CARMIL3: variants seen among roughly 807,000 people sequenced by gnomAD.
The protein encoded by CARMIL3 is capping protein, Arp2/3 and myosin-I linker protein 3.
A neutral mutation model predicts 180.8 loss-of-function variants in CARMIL3; 88 were observed. The ratio of observed to expected loss-of-function variants is 0.49; its 90% CI spans 0.41 to 0.58. CARMIL3 has a LOEUF of 0.58. Ranked by LOEUF, CARMIL3 falls within the 20% of genes least tolerant of loss-of-function variation. The pLI, the probability that CARMIL3 is intolerant of heterozygous loss-of-function variation, is 0.00. For synonymous variants in CARMIL3, 696 were observed against 714.5 expected (o/e 0.97, Z 0.41); for missense variants, 1,548 against 1,787.0 (o/e 0.87, Z 2.41).
In CARMIL3 at chr14:24,064,946, G is replaced by A. The variant is rs780715175; in HGVS notation, c.3081-12G>A. ...CTGGCATTTGTTGCTAACTTACCCC[G>A]ATTCTCCCCAGCTACCCCCGGACTC... On this transcript the variant is annotated splice_polypyrimidine_tract_variant and intron_variant, in intron 32 of 39. Transcript: ENST00000342740. 16 of 1,607,558 alleles carry A rather than the reference G, an allele frequency of 1.0e-5. No individual in the cohort carries two copies. Among genetic ancestry groups the A allele is most frequent in the South Asian group, 7.7e-5 (7 of 90,572 alleles).
chr14:24,056,938 T>G lies in CARMIL3; in HGVS notation c.976T>G (p.Phe326Val), dbSNP rs1306937188. 6.2e-7 allele frequency: 1 copy of G among 1,614,058 alleles called. No homozygotes were observed. The highest frequency in any genetic ancestry group is 1.1e-5 in the South Asian group (1 of 91,086). ...AGGGCTCCAGGCACTCGGCCAGACC[T>G]TCGGGGCAAACCCAGCATTTGCCAG... is the stretch of plus-strand genomic sequence containing the variant. ...PRGLQALGQT[F>V]GANPAFASSL... Residue 326 changes from phenylalanine to valine, a missense_variant, in exon 13 of 40, where the codon TTC becomes GTC. By Grantham distance (50) the Phe-to-Val change is conservative. Transcript: ENST00000342740.
rs749092838 is a variant in CARMIL3 at position 24,066,457 on chromosome 14, C to T, written c.3585C>T (p.Asp1195=). ...CCTGGCAGAAACGGCGCTCTTCAGA[C>T]GACGCAGGTAAGAACAGTCACATTC... is the stretch of plus-strand genomic sequence containing the variant. ...TQAWQKRRSS[D]DAGPGSWKPP... is the part of the protein sequence containing the mutation. Residue 1195 remains aspartate (D), a synonymous_variant, in exon 35 of 40, where the codon GAC becomes GAT. Coordinates refer to ENST00000342740, the MANE Select transcript of CARMIL3 (RefSeq NM_138360.4). 35 of 1,614,204 alleles carry T rather than the reference C, an allele frequency of 2.2e-5. No individual in the cohort carries two copies. The highest frequency in any genetic ancestry group is 3.3e-5 in the South Asian group (3 of 91,088).
Position 24,059,121 on chromosome 14 carries a change from C to A in CARMIL3, c.1572-14C>A, listed in dbSNP as rs756839038. Reference sequence around the variant, plus strand: ...AGCCCTTCCCCTCCTACTCTGAGCCCCGCCTCCCTGCAGGACCCTGGAGGA... The same window carrying A: ...AGCCCTTCCCCTCCTACTCTGAGCCACGCCTCCCTGCAGGACCCTGGAGGA... On this transcript the variant is annotated splice_polypyrimidine_tract_variant and intron_variant, in intron 19 of 39. Transcript: ENST00000342740. The surrounding 1 kb of genome is among the most constrained non-coding windows in gnomAD (Gnocchi z 6.3). 6.3e-7 allele frequency: 1 copy of A among 1,594,734 alleles called. No individual in the cohort carries two copies. The highest frequency in any genetic ancestry group is 8.5e-7 in the Non-Finnish European group (1 of 1,170,974).
intron 32 of CARMIL3, 150 bp downstream of exon 32, chr14:24,064,496 A>C: frequency 1.5e-6 from 1 of 651,646 alleles, no homozygotes; most frequent in Non-Finnish European, 2.7e-6. Context: ...ATCCTTCCCC[A>C]CCCAGCCCTC....
In CARMIL3 at chr14:24,057,174, A is replaced by G. The variant is rs761886617; in HGVS notation, c.1070A>G (p.Tyr357Cys). ...LLATDEANALYSFLAQPNALV... is the reference protein window; with the variant it reads ...LLATDEANALCSFLAQPNALV... ...TCTTCCTTCCTACTCCAGGCCCTCT[A>G]CAGTTTCCTGGCCCAACCCAACGCC... The change falls in exon 14 of 40, where the codon TAC becomes TGC. Residue 357 changes from tyrosine (Y) to cysteine (C), a missense_variant. Physicochemically the swap from Tyr to Cys is radical, Grantham distance 194. Around this residue, in one of 4 missense-constraint regions of CARMIL3, gnomAD observed 578 missense variants for 666.5 expected, o/e 0.87. Transcript: ENST00000342740. The G allele has an allele frequency of 6.2e-7, 1 of 1,613,772 alleles. No homozygotes were observed. The highest frequency in any genetic ancestry group is 8.5e-7 in the Non-Finnish European group (1 of 1,179,858).
chr14:24,060,667 C>T lies in CARMIL3; in HGVS notation c.2101C>T (p.Arg701Trp), dbSNP rs1030880250. Residue 701 changes from arginine (R) to tryptophan (W), a missense_variant, in exon 25 of 40, where the codon CGG becomes TGG. Physicochemically the swap from Arg to Trp is moderately radical, Grantham distance 101 (BLOSUM62 -3). Around this residue, in one of 4 missense-constraint regions of CARMIL3, gnomAD observed 297 missense variants for 415.9 expected, o/e 0.71. Transcript: ENST00000342740. ...GTGTGGACGAGTGCAGGAGGAGGTG[C>T]GGGCCCTGAGACTATGCCCCCTGGA... ...RLCGRVQEEV[R>W]ALRLCPLEPV... The T allele has an allele frequency of 4.3e-6, 7 of 1,613,838 alleles. No homozygotes were observed. Among genetic ancestry groups the T allele is most frequent in the East Asian group, 4.5e-5 (2 of 44,888 alleles).
At position 24,058,106 on chromosome 14, in the gene CARMIL3, C is replaced by T. The variant is rs758688418; in HGVS notation, c.1322+42C>T. On this transcript the variant is annotated intron_variant, in intron 16 of 39. Coordinates refer to ENST00000342740, the MANE Select transcript of CARMIL3 (RefSeq NM_138360.4). The surrounding 1 kb of genome is among the most constrained non-coding windows in gnomAD (Gnocchi z 6.4). ...GTTGGGGGCGCATCCAAGGGAACCA[C>T]GGGGAGCGGGAAGAGGTAAAGGAGG... The T allele has an allele frequency of 5.0e-6, 8 of 1,613,632 alleles. No homozygotes were observed. The highest frequency in any genetic ancestry group is 4.0e-5 in the African/African-American group (3 of 74,914).
intron 14 of CARMIL3, 39 bp downstream of exon 14, chr14:24,057,283 TG>T (rs1193345850): frequency 6.3e-7 from 1 of 1,595,602 alleles, no homozygotes; most frequent in Admixed American, 1.7e-5. Context: ...TGAGGTGATT[TG>T]GGGAAGACCA....
Position 24,063,313 on chromosome 14 carries a change from C to T in CARMIL3, c.2771-12C>T. The stretch of plus-strand genomic sequence containing the variant: ...TCCTCTGCTAGTCCCTCTAATGCTG[C>T]TGTCTTTGCAGGCGGGAGCCCTCAG... On this transcript the variant is annotated splice_polypyrimidine_tract_variant and intron_variant, in intron 30 of 39. Coordinates refer to ENST00000342740, the MANE Select transcript of CARMIL3 (RefSeq NM_138360.4). 1 of 1,593,996 alleles carries T rather than the reference C, an allele frequency of 6.3e-7. No individual in the cohort carries two copies. Among genetic ancestry groups the T allele is most frequent in the Non-Finnish European group, 8.6e-7 (1 of 1,166,208 alleles).
intron 27 of CARMIL3, chr14:24,062,172 C>T: frequency 2.1e-6 from 1 of 482,156 alleles, no homozygotes; most frequent in Non-Finnish European, 3.8e-6. Flanking sequence ...ACTCAGCACC[C>T]CAATTACCTA....
At chr14:24,067,896 T>A (rs1178347918) in intron 36 of CARMIL3, among the ~76,000 whole-genome samples, 1 of 152,250 alleles carries the variant, frequency 6.6e-6, no homozygotes. Flanking sequence ...GTTCTGGGAA[T>A]GCCAGGCTGC....
Position 24,056,697 on chromosome 14 carries a change from T to G in CARMIL3, c.941T>G (p.Ile314Ser). The change falls in exon 12 of 40, where the codon ATT becomes AGT. Residue 314 changes from isoleucine (I) to serine (S), a missense_variant. This residue lies in a region of CARMIL3 where 578 missense variants were observed against 666.5 expected (regional missense o/e 0.87). Coordinates refer to ENST00000342740, the MANE Select transcript of CARMIL3 (RefSeq NM_138360.4). ...AAACTGTGCCTGGCCAAGACTGCCATTTCCCCTCGAGGTACTCGCACCAAG... is the reference window on the plus strand; with the variant it reads ...AAACTGTGCCTGGCCAAGACTGCCAGTTCCCCTCGAGGTACTCGCACCAAG... The part of the protein sequence containing the change: ...LTKLCLAKTA[I>S]SPRGLQALGQ... 1 of 1,613,182 alleles carries G rather than the reference T, an allele frequency of 6.2e-7. No homozygotes were observed. The highest frequency in any genetic ancestry group is 8.5e-7 in the Non-Finnish European group (1 of 1,179,998).
Position 24,054,532 on chromosome 14 carries a change from C to G in CARMIL3, c.362+21C>G, listed in dbSNP as rs1305406110. ...CCTGGGTGAGTGGCAAATAAGGGGT[C>G]TCTTAAGGCATTAGATGAGAGGGAG... is the stretch of plus-strand genomic sequence containing the variant. On this transcript the variant is annotated intron_variant, in intron 5 of 39. Transcript: ENST00000342740. This position sits in a 1 kb window ranked among gnomAD's most constrained non-coding sequence, Gnocchi z 5.1. 52 of 1,604,312 alleles carry G rather than the reference C, an allele frequency of 3.2e-5. No homozygotes were observed. The highest frequency in any genetic ancestry group is 4.4e-5 in the Non-Finnish European group (51 of 1,172,384).
chr14:24,064,816 C>CA, intron 32 of CARMIL3, 142 bp from the exon 33 acceptor site: 1 of 861,364 alleles, frequency 1.2e-6, no homozygotes, highest in East Asian at 2.5e-5. Flanking sequence ...ACAGGAAAGG[C>CA]AAGGGCATCA....
rs1287501195 is a variant in CARMIL3 at position 24,059,757 on chromosome 14, G to A, written c.1868+25G>A. The A allele has an allele frequency of 1.9e-6, 3 of 1,612,246 alleles. No homozygotes were observed. In the South Asian group the frequency reaches 3.3e-5, roughly 18 times the overall value. ...GGTGAGTAGACCATGGTCCTGCCCT[G>A]ATCCAAGTCCCCAGCCTCCCTGTGC... On this transcript the variant is annotated intron_variant, in intron 22 of 39. Coordinates refer to ENST00000342740, the MANE Select transcript of CARMIL3 (RefSeq NM_138360.4). This position sits in a 1 kb window ranked among gnomAD's most constrained non-coding sequence, Gnocchi z 6.3.
chr14:24,056,504 T>C (rs2035673194), intron 11 of CARMIL3, 111 bp downstream of exon 11: 2 of 1,462,174 alleles, frequency 1.4e-6, no homozygotes, highest in Non-Finnish European at 1.9e-6. Flanking sequence ...GCCCCTGCCC[T>C]GACACCTCCA....
At position 24,058,255 on chromosome 14, in the gene CARMIL3, G is replaced by A. The variant is rs566937673; in HGVS notation, c.1392+31G>A. 6.9e-6 allele frequency: 11 copies of A among 1,598,888 alleles called. 1 individual carries two copies. The highest frequency in any genetic ancestry group is 1.1e-5 in the South Asian group (1 of 88,898). On this transcript the variant is annotated intron_variant, in intron 17 of 39. Coordinates refer to ENST00000342740, the MANE Select transcript of CARMIL3 (RefSeq NM_138360.4). This position sits in a 1 kb window ranked among gnomAD's most constrained non-coding sequence, Gnocchi z 6.4. The stretch of plus-strand genomic sequence containing the variant: ...CCCTCAGTCCCCAACCCCTCTGCCC[G>A]CCTCCGATCCATGTGCATTTCTCAG...
In CARMIL3 at chr14:24,069,269, G is replaced by T. The variant is rs371120384; in HGVS notation, c.4093+22G>T. 1.2e-5 allele frequency: 20 copies of T among 1,612,880 alleles called. No individual in the cohort carries two copies. The African/African-American group carries it at 2.4e-4, about 19-fold the overall frequency. On this transcript the variant is annotated intron_variant, in intron 39 of 39. Transcript: ENST00000342740. ...ACAGGTGCTGGTGGTGAGAGGGCAG[G>T]TCCCCCCTTCCCACCTATCTGTCCA... is the stretch of plus-strand genomic sequence containing the variant.
Position 24,066,567 on chromosome 14 carries a change from G to A in CARMIL3, c.3593G>A (p.Gly1198Glu). ...TTCTCATCCCCTCTCTCTACTCCAG[G>A]GCCTGGATCCTGGAAGCCCCCACCA... ...WQKRRSSDDAGPGSWKPPPPP... is the reference protein window; with the variant it reads ...WQKRRSSDDAEPGSWKPPPPP... Residue 1198 changes from glycine to glutamate, a missense_variant and splice_region_variant, in exon 36 of 40, where the codon GGG becomes GAG. By Grantham distance (98) the Gly-to-Glu change is moderately conservative. Around this residue, in one of 4 missense-constraint regions of CARMIL3, gnomAD observed 668 missense variants for 687.8 expected, o/e 0.97. Coordinates refer to ENST00000342740, the MANE Select transcript of CARMIL3 (RefSeq NM_138360.4). 6.2e-7 allele frequency: 1 copy of A among 1,614,024 alleles called. No individual in the cohort carries two copies. The highest frequency in any genetic ancestry group is 2.2e-5 in the East Asian group (1 of 44,870).
Sources: allele counts gnomAD v4.1 joint callset (sites outside exome capture counted in the v4.1 genomes callset), GRCh38; gene constraint gnomAD v4.1.1; regional missense constraint gnomAD v4.1.1; non-coding constraint Gnocchi (gnomAD v3.1); transcripts MANE v1.5; gene names NCBI Gene and HGNC (gene_info 2026-07-23, HGNC 2026-07-21).